PLCB4: variants seen among roughly 807,000 people sequenced by gnomAD.
PLCB4 encodes 1-phosphatidylinositol 4,5-bisphosphate phosphodiesterase beta-4.
PLCB4 carries 77 observed loss-of-function variants against 178.8 expected under a neutral mutation model. That is an observed-to-expected ratio of 0.43 (90% CI 0.36 to 0.52). The LOEUF (loss-of-function observed/expected upper bound fraction) is 0.52. PLCB4 is among the 20% of genes least tolerant of loss of function. The pLI is 0.00. For missense variants in PLCB4, 1,024 were observed against 1,453.4 expected, an observed-to-expected ratio of 0.70 and a Z score of 4.80; for synonymous variants, 496 against 490.8, an observed-to-expected ratio of 1.01 and a Z score of -0.14.
chr20:9,136,161 C>T (rs935672057), intron 2 of PLCB4, among the ~76,000 whole-genome samples: 1 of 152,120 alleles, frequency 6.6e-6, no homozygotes, highest in Non-Finnish European at 1.5e-5. Context: ...TCCTCACACT[C>T]TAAAGTGAGT....
intron 3 of PLCB4, among the ~76,000 whole-genome samples, chr20:9,240,233 T>C (rs932938172): frequency 4.6e-5 from 7 of 152,150 alleles, no homozygotes; most frequent in African/African-American, 1.7e-4. Flanking sequence ...AGTAGCCCTC[T>C]GGAATGAGGG....
intron 7 of PLCB4, among the ~76,000 whole-genome samples, chr20:9,359,114 G>A (rs2035097293): frequency 6.6e-6 from 1 of 152,148 alleles, no homozygotes; most frequent in Non-Finnish European, 1.5e-5. Context: ...TATGCTCAGT[G>A]TAAGTTCATA....
chr20:9,203,972 A>G (rs959991162), intron 2 of PLCB4, among the ~76,000 whole-genome samples: 4 of 151,946 alleles, frequency 2.6e-5, no homozygotes, highest in African/African-American at 9.7e-5. Flanking sequence ...AAAATCTGCC[A>G]TTACACACGT....
At chr20:9,338,140 T>TA (rs1272195032) in intron 6 of PLCB4, 73 bp downstream of exon 6, 27 of 980,602 alleles carry the variant, frequency 2.8e-5, no homozygotes, top group Non-Finnish European at 3.8e-5. Context: ...CTTCTAGAGA[T>TA]AAAAAACTCA....
chr20:9,419,287 C>T (rs889753335), intron 25 of PLCB4, among the ~76,000 whole-genome samples: 1 of 152,116 alleles, frequency 6.6e-6, no homozygotes, highest in South Asian at 2.1e-4. Context: ...TAGTGGTACC[C>T]GTGACTCTCT....
chr20:9,227,633 G>C (rs1311289675), intron 3 of PLCB4, among the ~76,000 whole-genome samples: 1 of 152,050 alleles, frequency 6.6e-6, no homozygotes, highest in Non-Finnish European at 1.5e-5. Context: ...ATTGGCTGTA[G>C]ATTTGTGGGT....
At chr20:9,371,795 AT>A (rs2036275840) in intron 10 of PLCB4, among the ~76,000 whole-genome samples, 1 of 152,234 alleles carries the variant, frequency 6.6e-6, no homozygotes, top group South Asian at 2.1e-4. Context: ...AAATTAATTT[AT>A]TGACTTGAAG....
chr20:9,330,809 G>T lies in PLCB4; in HGVS notation c.85-6317G>T, dbSNP rs547740989. Among the ~76,000 whole-genome samples, 7 of 152,290 alleles carry T rather than the reference G, an allele frequency of 4.6e-5. No individual in the cohort carries two copies. The South Asian group carries it at 8.3e-4, about 18-fold the overall frequency. ...ACATTTCCATCATCACGGTAAATCC[G>T]TTGGACAATGTTGATCTAGTCTAAA... On this transcript the variant is annotated intron_variant, in intron 4 of 39. Coordinates refer to ENST00000378473, the MANE Select transcript of PLCB4 (RefSeq NM_001377142.1).
intron 3 of PLCB4, among the ~76,000 whole-genome samples, chr20:9,275,103 G>T (rs912649603): frequency 2.6e-5 from 4 of 152,048 alleles, no homozygotes. Context: ...TCATGCTGCT[G>T]ATAAAAACAT....
At chr20:9,401,463 T>C (rs1377564249) in intron 19 of PLCB4, 27 bp from the exon 20 acceptor site, 2 of 1,523,198 alleles carry the variant, frequency 1.3e-6, no homozygotes, top group Non-Finnish European at 1.8e-6. Flanking sequence ...TTTGGTGTCA[T>C]GGATTTTCCA....
At chr20:9,329,072 T>C (rs2031213082) in intron 4 of PLCB4, among the ~76,000 whole-genome samples, 1 of 152,194 alleles carries the variant, frequency 6.6e-6, no homozygotes, top group Non-Finnish European at 1.5e-5. Flanking sequence ...ATGGTTATTC[T>C]AGCTGGCTGG....
rs2094469736 is a variant in PLCB4, at chr20:9,278,660, T to A, written c.-15-29140T>A. On this transcript the variant is annotated intron_variant, in intron 3 of 39. Transcript: ENST00000378473. Reference sequence around the variant, plus strand: ...AAAAGGACTCTTCACATAGATATCATAACCTTCAGTTTACAGTTTGAGGGA... The same window carrying A: ...AAAAGGACTCTTCACATAGATATCAAAACCTTCAGTTTACAGTTTGAGGGA... Among the ~76,000 whole-genome samples the A allele has an allele frequency of 2.0e-5, 3 of 152,034 alleles. 1 individual carries two copies. The South Asian group carries it at 6.2e-4, about 31-fold the overall frequency.
intron 1 of PLCB4, among the ~76,000 whole-genome samples, chr20:9,069,923 C>T (rs767486196): frequency 1.3e-5 from 2 of 152,086 alleles, no homozygotes; most frequent in Non-Finnish European, 2.9e-5. Context: ...GAAAGATGAC[C>T]CTACTCTTCC....
intron 3 of PLCB4, among the ~76,000 whole-genome samples, chr20:9,286,690 C>T (rs931285977): frequency 3.8e-4 from 58 of 151,978 alleles, no homozygotes; most frequent in African/African-American, 2.9e-4. Context: ...TTTAAGACCA[C>T]GCCAGTGAGG....
At chr20:9,266,045 T>C (rs374264875) in intron 3 of PLCB4, among the ~76,000 whole-genome samples, 12 of 152,268 alleles carry the variant, frequency 7.9e-5, no homozygotes, top group African/African-American at 1.4e-4. Flanking sequence ...TGAAGAGAAA[T>C]CATTTGCTAA....
chr20:9,237,236 A>ATG lies in PLCB4; in HGVS notation c.-16+19795_-16+19796dup, dbSNP rs774717319. Among the ~76,000 whole-genome samples the ATG allele has an allele frequency of 8.5e-5, 13 of 152,180 alleles. No homozygotes were observed. The East Asian group carries it at 9.7e-4, about 11-fold the overall frequency. On this transcript the variant is annotated intron_variant, in intron 3 of 39. Coordinates refer to ENST00000378473, the MANE Select transcript of PLCB4 (RefSeq NM_001377142.1). Reference sequence around the variant, plus strand: ...CCATATCACCACTTCTCAGATCAGGATGTGTGTGTGTGCATACGTATGTTT... The same window carrying ATG: ...CCATATCACCACTTCTCAGATCAGGATGTGTGTGTGTGTGCATACGTATGTTT...
chr20:9,332,629 C>T (rs1057305410), intron 4 of PLCB4, among the ~76,000 whole-genome samples: 4 of 152,072 alleles, frequency 2.6e-5, no homozygotes, highest in South Asian at 2.1e-4. Context: ...CTGATAATTG[C>T]TTCTCTTAAC....
At chr20:9,095,060 G>A (rs1600361462) in intron 1 of PLCB4, among the ~76,000 whole-genome samples, 1 of 152,316 alleles carries the variant, frequency 6.6e-6, no homozygotes, top group Admixed American at 6.5e-5. Context: ...TGGGGCATTG[G>A]TGTTGCTCTG....
In PLCB4 at chr20:9,409,080, G is replaced by T. The variant is rs397514481; in HGVS notation, c.1898G>T (p.Arg633Leu). Residue 633 changes from arginine to leucine, a missense_variant, in exon 24 of 40, where the codon CGC becomes CTC. By Grantham distance (102) the Arg-to-Leu change is moderately radical. Transcript: ENST00000378473. ...AGTTATAACAAACGGCAAATGAGTC[G>T]CATTTACCCCAAGGGAGGCCGAGTC... is the stretch of plus-strand genomic sequence containing the variant. ...FVNYNKRQMS[R>L]IYPKGGRVDS... The T allele has an allele frequency of 6.2e-7, 1 of 1,608,916 alleles. No homozygotes were observed. Among genetic ancestry groups the T allele is most frequent in the Non-Finnish European group, 8.5e-7 (1 of 1,178,478 alleles).
Sources: gnomAD v4.1 joint callset for allele counts (sites outside exome capture counted in the v4.1 genomes callset) on GRCh38, gnomAD v4.1.1 for gene constraint, MANE v1.5 for transcripts, NCBI Gene and HGNC (gene_info 2026-07-23, HGNC 2026-07-21) for gene names.